The following WDR47 variants were observed in gnomAD, a reference collection of about 807,000 sequenced individuals.
WDR47 encodes WD repeat domain 47.
WDR47 carries 32 observed loss-of-function variants against 97.2 expected under a neutral mutation model. The observed-to-expected ratio is 0.33, with a 90% CI of 0.25 to 0.44. WDR47 has a LOEUF of 0.44. WDR47 is among the 20% of genes least tolerant of loss of function. The pLI is 1.00. For missense variants in WDR47, 782 were observed against 1,102.3 expected (o/e 0.71, Z 4.11); for synonymous variants, 375 against 373.5 (o/e 1.00, Z -0.05).
chr1:109,013,974 T>C, intron 3 of WDR47, 49 bp from the exon 4 acceptor site: 2 of 1,383,898 alleles, frequency 1.4e-6, no homozygotes, highest in South Asian at 1.2e-5. Flanking sequence ...TGATGTCAAA[T>C]ATACTTAGAA....
intron 10 of WDR47, among the ~76,000 whole-genome samples, chr1:108,984,817 A>G (rs1206121267): frequency 6.6e-6 from 1 of 152,142 alleles, no homozygotes; most frequent in African/African-American, 2.4e-5. Context: ...GGTGGAGGTT[A>G]CAGTGAGCTG....
intron 1 of WDR47, among the ~76,000 whole-genome samples, chr1:109,037,613 C>T (rs1323098508): frequency 4.6e-5 from 6 of 131,024 alleles, no homozygotes; most frequent in South Asian, 4.7e-4. Context: ...GGGGACAGAG[C>T]GAGACCTCGT....
chr1:109,000,977 A>T (rs1164122736), intron 7 of WDR47, among the ~76,000 whole-genome samples: 1 of 151,994 alleles, frequency 6.6e-6, no homozygotes, highest in African/African-American at 2.4e-5. Context: ...ATTTAAATAT[A>T]TATTATTTTA....
intron 3 of WDR47, among the ~76,000 whole-genome samples, chr1:109,014,433 T>A (rs919115894): frequency 6.6e-6 from 1 of 151,482 alleles, no homozygotes; most frequent in South Asian, 2.1e-4. Context: ...GCTTTTTTCC[T>A]TTTCTTTTTT....
intron 1 of WDR47, among the ~76,000 whole-genome samples, chr1:109,031,762 G>T: frequency 7.6e-6 from 1 of 132,088 alleles, no homozygotes; most frequent in African/African-American, 2.7e-5. Context: ...CCTCTTCTCA[G>T]ATCTGATTTG....
At position 109,035,762 on chromosome 1, in the gene WDR47, C is replaced by T. The variant is rs139191872; in HGVS notation, c.-10+6100G>A. Among the ~76,000 whole-genome samples the T allele has an allele frequency of 8.4e-3, 1,272 of 151,940 alleles. 16 individuals are homozygous for T. Among genetic ancestry groups the T allele is most frequent in the African/African-American group, 0.029 (1,215 of 41,436 alleles). ...CCACCCACCTCGGTCTCCCAAAATG[C>T]TGGGATTACAGGCATGAGCCACTAT... is the stretch of plus-strand genomic sequence containing the variant. On this transcript the variant is annotated intron_variant, in intron 1 of 14. Coordinates refer to ENST00000369962, the MANE Select transcript of WDR47 (RefSeq NM_001142551.2).
intron 4 of WDR47, 48 bp downstream of exon 4, chr1:109,013,793 G>A: frequency 6.3e-7 from 1 of 1,583,222 alleles, no homozygotes; most frequent in South Asian, 1.1e-5. Context: ...AAATACTTAT[G>A]ACTGAAAACA....
chr1:108,981,423 A>G (rs74113736), intron 13 of WDR47, among the ~76,000 whole-genome samples: 2,001 of 152,250 alleles, frequency 0.013, 41 homozygotes, highest in African/African-American at 0.045. Context: ...CTTTTGTTCA[A>G]TTTCACTTTT....
chr1:109,020,032 G>A (rs547661145), intron 2 of WDR47, among the ~76,000 whole-genome samples: 1 of 151,988 alleles, frequency 6.6e-6, no homozygotes, highest in East Asian at 1.9e-4. Flanking sequence ...AATCATTTGA[G>A]GCCAGGAGTT....
chr1:109,023,075 C>A (rs1411656633), intron 2 of WDR47, among the ~76,000 whole-genome samples: 1 of 151,350 alleles, frequency 6.6e-6, no homozygotes, highest in African/African-American at 2.4e-5. Flanking sequence ...TGGTGATGGG[C>A]GCCTGTAGTC....
chr1:108,987,568 A>T (rs1658936287), intron 9 of WDR47, among the ~76,000 whole-genome samples: 1 of 152,082 alleles, frequency 6.6e-6, no homozygotes, highest in South Asian at 2.1e-4. Flanking sequence ...CCCAGGTTCA[A>T]GTGATTCTCC....
intron 9 of WDR47, among the ~76,000 whole-genome samples, chr1:108,988,078 T>C (rs962241640): frequency 2.1e-5 from 3 of 141,466 alleles, no homozygotes; most frequent in East Asian, 2.0e-4. Flanking sequence ...TCTATAAAAA[T>C]GAAAAAAAAA....
In WDR47 at chr1:109,011,642, C is replaced by A; in HGVS notation, c.404G>T (p.Ser135Ile). ...CAAAGTCAAAAGCAAACAGAGCTTACTATAGTCATCTTTAGAAGGACAGTA... is the reference window on the plus strand; with the variant it reads ...CAAAGTCAAAAGCAAACAGAGCTTAATATAGTCATCTTTAGAAGGACAGTA... ...EEYCPSKDDY[S>I]KLCLLLTLPR... The change falls in exon 5 of 15, where the codon AGT becomes ATT. Residue 135 changes from serine to isoleucine, a missense_variant. Coordinates refer to ENST00000369962, the MANE Select transcript of WDR47 (RefSeq NM_001142551.2). 1 of 1,614,140 alleles carries A rather than the reference C, an allele frequency of 6.2e-7. No homozygotes were observed. The highest frequency in any genetic ancestry group is 8.5e-7 in the Non-Finnish European group (1 of 1,180,028).
At chr1:108,985,088 T>G (rs1658676370) in intron 10 of WDR47, among the ~76,000 whole-genome samples, 1 of 152,188 alleles carries the variant, frequency 6.6e-6, no homozygotes, top group African/African-American at 2.4e-5. Flanking sequence ...TCCCAGTGTC[T>G]CCTCTTATTG....
chr1:109,028,395 G>C (rs1278013272), intron 1 of WDR47, among the ~76,000 whole-genome samples: 1 of 90,598 alleles, frequency 1.1e-5, no homozygotes, highest in African/African-American at 4.1e-5. Flanking sequence ...GTAGAGATTG[G>C]GTTTCGCCAT....
At chr1:109,014,233 T>TA (rs1050208278) in intron 3 of WDR47, among the ~76,000 whole-genome samples, 31 of 152,210 alleles carry the variant, frequency 2.0e-4, no homozygotes, top group Middle Eastern at 3.4e-3. Flanking sequence ...TGTTTTTTAT[T>TA]AAAAAAATTT....
chr1:108,978,763 T>C (rs1467012823), intron 13 of WDR47, among the ~76,000 whole-genome samples: 1 of 152,184 alleles, frequency 6.6e-6, no homozygotes, highest in Non-Finnish European at 1.5e-5. Flanking sequence ...GTCAACTGTG[T>C]TGCATGACAC....
intron 7 of WDR47, among the ~76,000 whole-genome samples, chr1:109,000,574 G>A (rs955478311): frequency 1.3e-5 from 2 of 148,648 alleles, no homozygotes; most frequent in African/African-American, 2.5e-5. Context: ...ACTTTGGGAC[G>A]TTGAGATGGG....
chr1:108,986,392 G>C (rs28693929), intron 10 of WDR47, 131 bp downstream of exon 10: 71,848 of 762,686 alleles, frequency 0.094, 3,862 homozygotes, highest in African/African-American at 0.16. Context: ...TTTTATAACA[G>C]AAAATAAAGT....
Sources: allele counts gnomAD v4.1 joint callset (sites outside exome capture counted in the v4.1 genomes callset), GRCh38; gene constraint gnomAD v4.1.1; transcripts MANE v1.5; gene names NCBI Gene and HGNC (gene_info 2026-07-23, HGNC 2026-07-21).